SLC5A1: variants seen among roughly 807,000 people sequenced by gnomAD.
SLC5A1 encodes solute carrier family 5 member 1.
Under a neutral mutation model 73.5 loss-of-function variants are expected in SLC5A1, and 42 were observed. That is an observed-to-expected ratio of 0.57 (90% confidence interval 0.45 to 0.74). The LOEUF (loss-of-function observed/expected upper bound fraction) is 0.74. Ranked by LOEUF, SLC5A1 falls within the 30% of genes least tolerant of loss-of-function variation. The pLI, the probability that SLC5A1 is intolerant of heterozygous loss-of-function variation, is 0.00. For synonymous variants in SLC5A1, 300 were observed against 317.4 expected, an observed-to-expected ratio of 0.95 and a Z score of 0.58; for missense variants, 634 against 855.4, an observed-to-expected ratio of 0.74 and a Z score of 3.23.
At chr22:32,062,625 G>A (rs4289286) in intron 2 of SLC5A1, among the ~76,000 whole-genome samples, 6,820 of 152,268 alleles carry the variant, frequency 0.045, 205 homozygotes, top group Non-Finnish European at 0.07. Context: ...TGAATTCACA[G>A]GAACATGGGG....
intron 11 of SLC5A1, among the ~76,000 whole-genome samples, chr22:32,094,460 C>T (rs1025063004): frequency 1.3e-5 from 2 of 152,094 alleles, no homozygotes; most frequent in Non-Finnish European, 2.9e-5. Flanking sequence ...GCTGTGAATC[C>T]GTCTGGTTCT....
chr22:32,073,234 C>T (rs2149489445), intron 5 of SLC5A1, among the ~76,000 whole-genome samples: 1 of 152,332 alleles, frequency 6.6e-6, no homozygotes. Flanking sequence ...CCATGTGCCA[C>T]CATGCCCAAC....
At chr22:32,078,249 G>A (rs532347098) in intron 5 of SLC5A1, among the ~76,000 whole-genome samples, 6 of 150,274 alleles carry the variant, frequency 4.0e-5, no homozygotes, top group Admixed American at 2.6e-4. Flanking sequence ...TAACTTCTGC[G>A]GTTATTTATT....
intron 1 of SLC5A1, among the ~76,000 whole-genome samples, chr22:32,045,896 T>G (rs1304628288): frequency 1.3e-5 from 2 of 152,194 alleles, no homozygotes; most frequent in Non-Finnish European, 2.9e-5. Context: ...AGCCTGTTTT[T>G]GTATGGTCCA....
At chr22:32,101,157 C>A (rs561393158) in intron 12 of SLC5A1, among the ~76,000 whole-genome samples, 1 of 152,234 alleles carries the variant, frequency 6.6e-6, no homozygotes, top group South Asian at 2.1e-4. Flanking sequence ...TGCAGGGATA[C>A]CAATGGCTAG....
intron 5 of SLC5A1, among the ~76,000 whole-genome samples, chr22:32,077,695 T>G (rs1463583685): frequency 6.6e-6 from 1 of 152,196 alleles, no homozygotes; most frequent in Non-Finnish European, 1.5e-5. Context: ...AGAAAAGAAA[T>G]AAAACATTAC....
In SLC5A1 at chr22:32,082,419, G is replaced by C. The variant is rs181854288; in HGVS notation, c.583+448G>C. Among the ~76,000 whole-genome samples the C allele has an allele frequency of 2.0e-5, 3 of 152,292 alleles. No homozygotes were observed. The East Asian group carries it at 5.8e-4, about 29-fold the overall frequency. ...TTCAGATGAGGTCACAGCATACTGT[G>C]TGTTTTGAACACAGTATACTGGGGT... On this transcript the variant is annotated intron_variant, in intron 6 of 14. Transcript: ENST00000266088.
chr22:32,059,776 G>T (rs999258575), intron 2 of SLC5A1, among the ~76,000 whole-genome samples: 1 of 152,046 alleles, frequency 6.6e-6, no homozygotes, highest in Admixed American at 6.5e-5. Context: ...AATTGTTTGC[G>T]GAATGATTTC....
At chr22:32,088,876 A>G (rs2094012398) in intron 10 of SLC5A1, among the ~76,000 whole-genome samples, 1 of 152,186 alleles carries the variant, frequency 6.6e-6, no homozygotes, top group African/African-American at 2.4e-5. Flanking sequence ...CTCAGCAAGT[A>G]GGTGATCCTC....
intron 10 of SLC5A1, 151 bp from the exon 11 acceptor site, chr22:32,091,461 C>A (rs946513619): frequency 4.6e-6 from 4 of 870,512 alleles, no homozygotes; most frequent in Non-Finnish European, 7.3e-6. Flanking sequence ...CATAGGACTA[C>A]TTCTTAAAGC....
intron 7 of SLC5A1, 109 bp from the exon 8 acceptor site, chr22:32,084,330 G>A (rs751224619): frequency 1.1e-6 from 1 of 910,180 alleles, no homozygotes; most frequent in Non-Finnish European, 1.8e-6. Context: ...CTCAGTGAGG[G>A]CTCTGTCTGT....
At chr22:32,051,579 T>C (rs2093945130) in intron 2 of SLC5A1, among the ~76,000 whole-genome samples, 1 of 152,098 alleles carries the variant, frequency 6.6e-6, no homozygotes, top group Non-Finnish European at 1.5e-5. Flanking sequence ...TCGCTTGATC[T>C]GGGAAGGTGA....
At chr22:32,096,871 G>A (rs2094027096) in intron 11 of SLC5A1, among the ~76,000 whole-genome samples, 1 of 152,152 alleles carries the variant, frequency 6.6e-6, no homozygotes, top group Non-Finnish European at 1.5e-5. Flanking sequence ...TTTCAAGATT[G>A]GAATGAACGA....
intron 1 of SLC5A1, among the ~76,000 whole-genome samples, chr22:32,046,601 A>G (rs956032894): frequency 2.0e-5 from 3 of 152,198 alleles, no homozygotes; most frequent in African/African-American, 7.2e-5. Flanking sequence ...GGCCACACCA[A>G]GCATCATGTC....
chr22:32,077,757 T>A lies in SLC5A1; in HGVS notation c.478-4109T>A, dbSNP rs376210513. ...CCTTTTCTTGGTCTCATTTTCCTCT[T>A]TCCTAAAAGGTGAATGCTGTCTTGA... On this transcript the variant is annotated intron_variant, in intron 5 of 14. Transcript: ENST00000266088. 3.2e-4 allele frequency among the ~76,000 whole-genome samples: 48 copies of A among 152,340 alleles called. 2 individuals carry two copies. The South Asian group carries it at 9.3e-3, about 30-fold the overall frequency.
intron 10 of SLC5A1, among the ~76,000 whole-genome samples, chr22:32,090,094 G>C (rs2094014536): frequency 8.6e-6 from 1 of 116,604 alleles, no homozygotes; most frequent in South Asian, 2.7e-4. Context: ...ATACAGCCTT[G>C]TCTTTCAAAA....
intron 10 of SLC5A1, among the ~76,000 whole-genome samples, chr22:32,089,262 C>T (rs192069614): frequency 1.8e-3 from 281 of 152,016 alleles, no homozygotes; most frequent in Middle Eastern, 6.8e-3. Context: ...TGATCTATAC[C>T]ACACAAACTC....
intron 11 of SLC5A1, among the ~76,000 whole-genome samples, chr22:32,092,359 A>G (rs2094019426): frequency 6.6e-6 from 1 of 152,188 alleles, no homozygotes; most frequent in Admixed American, 6.5e-5. Flanking sequence ...ATTGATGGGC[A>G]TTTGGTCTGG....
At chr22:32,097,534 T>A (rs989740499) in intron 11 of SLC5A1, among the ~76,000 whole-genome samples, 2 of 150,826 alleles carry the variant, frequency 1.3e-5, no homozygotes, top group African/African-American at 5.0e-5. Context: ...GAAGTGAAAC[T>A]CAGCAGGAGG....
Sources: gnomAD v4.1 joint callset for allele counts (sites outside exome capture counted in the v4.1 genomes callset) on GRCh38, gnomAD v4.1.1 for gene constraint, MANE v1.5 for transcripts, NCBI Gene and HGNC (gene_info 2026-07-23, HGNC 2026-07-21) for gene names.